Variants in NEB observed in about 807,000 individuals in gnomAD.
NEB encodes the protein nemaline myopathy type 2.
NEB carries 512 observed loss-of-function variants against 952.2 expected under a neutral mutation model. The observed-to-expected ratio is 0.54, with a 90% CI of 0.50 to 0.58. NEB has a LOEUF of 0.58. NEB is among the 20% of genes least tolerant of loss of function. The pLI, the probability that NEB is intolerant of heterozygous loss-of-function variation, is 0.00. For synonymous variants in NEB, 2,900 were observed against 3,149.8 expected, an observed-to-expected ratio of 0.92 and a Z score of 2.66; for missense variants, 8,428 against 9,231.1, an observed-to-expected ratio of 0.91 and a Z score of 3.56.
At chr2:151,526,808 G>A in intron 148 of NEB, 110 bp downstream of exon 148, 1 of 815,300 alleles carries the variant, frequency 1.2e-6, no homozygotes, top group Non-Finnish European at 2.0e-6. Flanking sequence ...CCATACCTGA[G>A]CCCTGATGGA....
intron 55 of NEB, among the ~76,000 whole-genome samples, chr2:151,645,806 T>A (rs2154121426): frequency 6.6e-6 from 1 of 152,306 alleles, no homozygotes; most frequent in African/African-American, 2.4e-5. Flanking sequence ...CGATTCTAGA[T>A]AAGCACTGTA....
rs375796482 is a variant in NEB, at chr2:151,644,042, T to C, written c.7732A>G (p.Met2578Val). Reference sequence around the variant, plus strand: ...TCACTCTGGATCTTGGCCACATGCATGGACCACATCATCTTGGGGTCATCT... The same window carrying C: ...TCACTCTGGATCTTGGCCACATGCACGGACCACATCATCTTGGGGTCATCT... The part of the protein sequence containing the change: ...IEDDPKMMWS[M>V]HVAKIQSDRE... Residue 2578 changes from methionine (M) to valine (V), a missense_variant, in exon 57 of 182, where the codon ATG (methionine) becomes GTG (valine). Met to Val is a conservative substitution (Grantham distance 21). Coordinates refer to ENST00000397345, the MANE Select transcript of NEB (RefSeq NM_001164508.2). 1.9e-6 allele frequency: 3 copies of C among 1,613,884 alleles called. No individual in the cohort carries two copies. Among genetic ancestry groups the C allele is most frequent in the Non-Finnish European group, 2.5e-6 (3 of 1,179,892 alleles).
At chr2:151,682,140 A>C (rs2099418555) in intron 29 of NEB, among the ~76,000 whole-genome samples, 1 of 152,208 alleles carries the variant, frequency 6.6e-6, no homozygotes, top group Non-Finnish European at 1.5e-5. Flanking sequence ...ATACAAAATA[A>C]ATTTCTAGAA....
At chr2:151,645,837 T>G (rs964294662) in intron 55 of NEB, among the ~76,000 whole-genome samples, 1 of 152,176 alleles carries the variant, frequency 6.6e-6, no homozygotes, top group African/African-American at 2.4e-5. Context: ...GAATTGCCTC[T>G]GCCTGCAAAG....
In NEB at chr2:151,654,028, T is replaced by C. The variant is rs2154143235; in HGVS notation, c.6879A>G (p.Val2293=). Residue 2293 remains valine (V), a synonymous_variant, in exon 52 of 182, where the codon GTA becomes GTG. Coordinates refer to ENST00000397345, the MANE Select transcript of NEB (RefSeq NM_001164508.2). ...TGTCTCTTGAAGCTTTAGCTAGCTG[T>C]ACAGAAATTGCATCAACTGGGAGAT... The part of the protein sequence containing the change: ...GYDLPVDAIS[V]QLAKASRDIA... 2 of 1,612,716 alleles carry C rather than the reference T, an allele frequency of 1.2e-6. No individual in the cohort carries two copies. The highest frequency in any genetic ancestry group is 2.2e-5 in the East Asian group (1 of 44,834).
At chr2:151,550,246 G>C (rs2095211428) in intron 129 of NEB, among the ~76,000 whole-genome samples, 1 of 117,606 alleles carries the variant, frequency 8.5e-6, no homozygotes, top group Admixed American at 1.2e-4. Flanking sequence ...CAGCCTGGGA[G>C]ACAGAGGAGA....
intron 110 of NEB, 84 bp from the exon 111 acceptor site, chr2:151,568,800 C>A: frequency 1.0e-6 from 1 of 971,212 alleles, no homozygotes; most frequent in Non-Finnish European, 1.5e-6. Flanking sequence ...TAGAGTCCTT[C>A]TCTACTAGAA....
rs201896003 is a variant in NEB, at chr2:151,679,766, C to T, written c.3210G>A (p.Ala1070=). The change falls in exon 32 of 182, where the codon GCG becomes GCA. Residue 1070 remains alanine, a synonymous_variant. Coordinates refer to ENST00000397345, the MANE Select transcript of NEB (RefSeq NM_001164508.2). ...SKKGYDLRTD[A]IPIRAAKAAR... ...CAGCTTTGGCAGCTCTGATGGGAAT[C>T]GCATCAGTTCTCAGGTCATATCCCT... 14 of 1,552,940 alleles carry T rather than the reference C, an allele frequency of 9.0e-6. No individual in the cohort carries two copies. Among genetic ancestry groups the T allele is most frequent in the Admixed American group, 3.5e-5 (2 of 57,788 alleles).
In NEB at chr2:151,612,184, A is replaced by T; in HGVS notation, c.11805+2T>A. 1.2e-6 allele frequency: 2 copies of T among 1,612,546 alleles called. No individual in the cohort carries two copies. The highest frequency in any genetic ancestry group is 1.7e-6 in the Non-Finnish European group (2 of 1,178,950). On this transcript the variant is annotated splice_donor_variant, in intron 78 of 181. Transcript: ENST00000397345. LOFTEE classifies it high-confidence loss of function. ...GGCAACAGAAAACAGCTGGAGACTC[A>T]CCTTGCTCATTGTCAGGGCATTATT... is the stretch of plus-strand genomic sequence containing the variant.
intron 170 of NEB, 21 bp downstream of exon 170, chr2:151,498,239 T>TC: frequency 6.4e-7 from 1 of 1,550,868 alleles, no homozygotes; most frequent in Middle Eastern, 1.7e-4. Context: ...TGGCATTTTT[T>TC]CCCCTTTCTT....
At position 151,727,924 on chromosome 2, in the gene NEB, A is replaced by G; in HGVS notation, c.79-18T>C. The G allele has an allele frequency of 1.9e-6, 3 of 1,592,186 alleles. No homozygotes were observed. The highest frequency in any genetic ancestry group is 2.6e-6 in the Non-Finnish European group (3 of 1,161,734). On this transcript the variant is annotated intron_variant, in intron 4 of 181. Transcript: ENST00000397345. ...GTTATTGTCTGAAAATTTGATATGCAGTTCAACATTGTTGTGAAAGTAAAA... is the reference window on the plus strand; with the variant it reads ...GTTATTGTCTGAAAATTTGATATGCGGTTCAACATTGTTGTGAAAGTAAAA...
At chr2:151,573,798 T>C (rs542880080) in intron 107 of NEB, among the ~76,000 whole-genome samples, 1 of 152,346 alleles carries the variant, frequency 6.6e-6, no homozygotes, top group Non-Finnish European at 1.5e-5. Context: ...GTATCTTCCT[T>C]GAACTTTCTT....
rs183365102 is a variant in NEB, at chr2:151,734,449, C to G, written c.-165G>C. On this transcript the variant is annotated 5_prime_UTR_variant, in exon 1 of 182. Transcript: ENST00000397345. ...AGCAGCAAAGCCTCTCCCAACTCTC[C>G]CCTCCTGAGAACCCCAGGCAAAAGC... is the stretch of plus-strand genomic sequence containing the variant. 1 of 152,156 alleles carries G rather than the reference C, an allele frequency of 6.6e-6. No individual in the cohort carries two copies. 9.4% of individuals were successfully genotyped at this position (152,156 alleles called of 1,614,324 possible). A position where few individuals can be genotyped will look rare whatever the true frequency, so the allele number is the denominator to read the frequency against.
At chr2:151,721,261 A>C (rs574939161) in intron 9 of NEB, among the ~76,000 whole-genome samples, 36 of 152,154 alleles carry the variant, frequency 2.4e-4, no homozygotes, top group Non-Finnish European at 4.1e-4. Flanking sequence ...TATTTTTATC[A>C]TGCTGTTTTC....
At chr2:151,490,556 G>A (rs1242718486) in intron 179 of NEB, 38 bp from the exon 180 acceptor site, 2 of 1,597,158 alleles carry the variant, frequency 1.3e-6, no homozygotes, top group Non-Finnish European at 1.7e-6. Context: ...TAGCAAACAT[G>A]AAATTTCTAT....
At position 151,562,716 on chromosome 2, in the gene NEB, G is replaced by T. The variant is rs374874999; in HGVS notation, c.18786C>A (p.Tyr6262Ter). The part of the protein sequence containing the change: ...MNHVLAKRCQ[Y>*]ILSDLEYRHY... ...GTCGATACTCCAGGTCACTGAGGATGTACTGGCACCTTTTAGCCAGCACGT... is the reference window on the plus strand; with the variant it reads ...GTCGATACTCCAGGTCACTGAGGATTTACTGGCACCTTTTAGCCAGCACGT... Residue 6262 changes from tyrosine (Y) to a stop codon, truncating the protein, a stop_gained, in exon 120 of 182, where the codon TAC becomes TAA. Transcript: ENST00000397345. LOFTEE classifies it high-confidence loss of function. 1 of 1,606,870 alleles carries T rather than the reference G, an allele frequency of 6.2e-7. No homozygotes were observed. The highest frequency in any genetic ancestry group is 8.5e-7 in the Non-Finnish European group (1 of 1,176,226).
At chr2:151,494,625 A>AGCTG (rs1027664808) in intron 173 of NEB, among the ~76,000 whole-genome samples, 8 of 151,848 alleles carry the variant, frequency 5.3e-5, no homozygotes, top group African/African-American at 1.7e-4. Context: ...CTAATACATC[A>AGCTG]GCTGTTTGTT....
At chr2:151,672,232 G>T in intron 37 of NEB, 137 bp downstream of exon 37, 1 of 819,262 alleles carries the variant, frequency 1.2e-6, no homozygotes, top group Non-Finnish European at 1.8e-6. Context: ...CCATGCCTTT[G>T]GTAGTCTTTC....
chr2:151,638,212 T>C (rs1472334161), intron 63 of NEB, among the ~76,000 whole-genome samples: 3 of 152,240 alleles, frequency 2.0e-5, no homozygotes. Context: ...TCAAGTTCTG[T>C]GTGCACCAGC....
Sources: gnomAD v4.1 joint callset for allele counts (sites outside exome capture counted in the v4.1 genomes callset) on GRCh38, gnomAD v4.1.1 for gene constraint, MANE v1.5 for transcripts, NCBI Gene and HGNC (gene_info 2026-07-23, HGNC 2026-07-21) for gene names.